NEGR1: variants seen among roughly 807,000 people sequenced by gnomAD.
The protein encoded by NEGR1 is neuronal growth regulator 1, also known as IgLON family member 4.
NEGR1 carries 10 observed loss-of-function variants against 40.9 expected under a neutral mutation model. The ratio of observed to expected loss-of-function variants is 0.24; its 90% CI spans 0.15 to 0.42. The LOEUF (loss-of-function observed/expected upper bound fraction) is 0.42. Among genes scored for constraint, NEGR1 ranks in the 10% least tolerant of loss-of-function variants. The probability of loss-of-function intolerance (pLI) is 1.00; values close to 1 mark genes in which losing one functional copy is unlikely to be tolerated. For missense variants in NEGR1, 352 were observed against 438.9 expected, an observed-to-expected ratio of 0.80 and a Z score of 1.77; for synonymous variants, 185 against 166.8, an observed-to-expected ratio of 1.11 and a Z score of -0.84.
At chr1:71,942,962 T>TTTTATATATATA (rs1553123571) in intron 1 of NEGR1, among the ~76,000 whole-genome samples, 1 of 126,480 alleles carries the variant, frequency 7.9e-6, no homozygotes, top group African/African-American at 2.9e-5. Context: ...TAAGTTTGTT[T>TTTTATATATATA]TATATATATA....
intron 3 of NEGR1, among the ~76,000 whole-genome samples, chr1:71,721,721 G>A (rs564670322): frequency 1.3e-5 from 2 of 152,066 alleles, no homozygotes; most frequent in Non-Finnish European, 2.9e-5. Context: ...CAAATAACCT[G>A]TAGGAGGCCA....
chr1:72,194,944 T>C (rs1478671346), intron 1 of NEGR1, among the ~76,000 whole-genome samples: 1 of 152,042 alleles, frequency 6.6e-6, no homozygotes, highest in African/African-American at 2.4e-5. Flanking sequence ...GACTTACATA[T>C]GCATACAGCC....
chr1:71,434,038 A>C (rs1444289674), intron 6 of NEGR1, among the ~76,000 whole-genome samples: 2 of 152,234 alleles, frequency 1.3e-5, no homozygotes, highest in African/African-American at 4.8e-5. Flanking sequence ...GTTTATATGC[A>C]GTTAACCTTT....
At chr1:71,732,646 G>GT (rs1211042513) in intron 3 of NEGR1, among the ~76,000 whole-genome samples, 1 of 151,792 alleles carries the variant, frequency 6.6e-6, no homozygotes, top group South Asian at 2.1e-4. Context: ...AAAAAATCAA[G>GT]TTTTTTTTCC....
At chr1:71,820,373 TA>T (rs1378242630) in intron 2 of NEGR1, among the ~76,000 whole-genome samples, 1 of 151,944 alleles carries the variant, frequency 6.6e-6, no homozygotes, top group Non-Finnish European at 1.5e-5. Context: ...TGACTAGGAG[TA>T]AGGACTCCAC....
intron 2 of NEGR1, among the ~76,000 whole-genome samples, chr1:71,857,340 T>C (rs1276435864): frequency 6.6e-6 from 1 of 151,276 alleles, no homozygotes; most frequent in Non-Finnish European, 1.5e-5. Context: ...GGCCAGGCAC[T>C]GTGGCTCATG....
intron 4 of NEGR1, among the ~76,000 whole-genome samples, chr1:71,642,039 G>A (rs980112481): frequency 1.3e-4 from 19 of 151,890 alleles, no homozygotes; most frequent in Non-Finnish European, 1.5e-5. Context: ...GTTCCCATTT[G>A]TCATCATCTC....
intron 4 of NEGR1, among the ~76,000 whole-genome samples, chr1:71,643,081 G>T (rs1032623278): frequency 5.3e-5 from 8 of 152,000 alleles, no homozygotes; most frequent in Admixed American, 2.6e-4. Context: ...AGCTATTCCT[G>T]CTTTGAGCAC....
chr1:71,937,696 G>A (rs1157904706), intron 1 of NEGR1, among the ~76,000 whole-genome samples: 1 of 152,118 alleles, frequency 6.6e-6, no homozygotes. Context: ...TCAGAAATGG[G>A]AAAATGATTA....
At chr1:72,077,587 T>G (rs956748637) in intron 1 of NEGR1, among the ~76,000 whole-genome samples, 1 of 151,850 alleles carries the variant, frequency 6.6e-6, no homozygotes, top group Non-Finnish European at 1.5e-5. Context: ...CCCAAGAGTT[T>G]GAGACCAGGC....
intron 1 of NEGR1, among the ~76,000 whole-genome samples, chr1:72,268,917 G>C (rs903504786): frequency 6.6e-6 from 1 of 151,358 alleles, no homozygotes; most frequent in Non-Finnish European, 1.5e-5. Flanking sequence ...AACAATATGA[G>C]AGAAAAATAG....
intron 2 of NEGR1, among the ~76,000 whole-genome samples, chr1:71,865,408 A>G (rs1465835548): frequency 1.3e-5 from 2 of 149,932 alleles, no homozygotes; most frequent in Admixed American, 6.8e-5. Flanking sequence ...CGCAGTCATA[A>G]AAAAGGATGA....
intron 1 of NEGR1, among the ~76,000 whole-genome samples, chr1:72,023,800 T>C (rs1646781260): frequency 2.0e-5 from 3 of 152,136 alleles, no homozygotes; most frequent in Admixed American, 2.0e-4. Context: ...CAAAATAACA[T>C]GGTAGGAGTA....
At chr1:71,451,535 C>T (rs1213927361) in intron 6 of NEGR1, among the ~76,000 whole-genome samples, 1 of 151,946 alleles carries the variant, frequency 6.6e-6, no homozygotes, top group Non-Finnish European at 1.5e-5. Flanking sequence ...AGGGTTTCAC[C>T]ACGTTGGCCA....
At chr1:71,999,632 A>AATATATATATATATATATAT (rs528857972) in intron 1 of NEGR1, among the ~76,000 whole-genome samples, 6 of 48,362 alleles carry the variant, frequency 1.2e-4, no homozygotes, top group Admixed American at 6.3e-4. Flanking sequence ...GAGCAAAGCA[A>AATATATATATATATATATAT]ATATATATAT....
intron 3 of NEGR1, among the ~76,000 whole-genome samples, chr1:71,711,043 T>A (rs1334239230): frequency 6.6e-6 from 1 of 151,752 alleles, no homozygotes; most frequent in Non-Finnish European, 1.5e-5. Flanking sequence ...GTTAAAAAAA[T>A]TTTAAATGGC....
chr1:72,270,426 C>T (rs571454075), intron 1 of NEGR1, among the ~76,000 whole-genome samples: 34 of 152,032 alleles, frequency 2.2e-4, no homozygotes, highest in Non-Finnish European at 5.0e-4. Context: ...ATACCTACTG[C>T]TTCTGAACTG....
At chr1:72,216,352 A>C (rs1172900728) in intron 1 of NEGR1, among the ~76,000 whole-genome samples, 1 of 142,504 alleles carries the variant, frequency 7.0e-6, no homozygotes, top group African/African-American at 2.8e-5. Flanking sequence ...CTGCACATAT[A>C]TATCCTAGAA....
intron 1 of NEGR1, among the ~76,000 whole-genome samples, chr1:71,983,006 A>G (rs186933049): frequency 1.3e-5 from 2 of 152,250 alleles, no homozygotes; most frequent in Admixed American, 1.3e-4. Context: ...TATGAATCCT[A>G]TACATAAAAC....
Sources: gnomAD v4.1 joint callset for allele counts (sites outside exome capture counted in the v4.1 genomes callset) on GRCh38, gnomAD v4.1.1 for gene constraint, MANE v1.5 for transcripts, NCBI Gene and HGNC (gene_info 2026-07-23, HGNC 2026-07-21) for gene names.